FBRSL1: variants seen among roughly 807,000 people sequenced by gnomAD.
FBRSL1 encodes the protein fibrosin like 1, also known as fibrosin-1-like protein.
A neutral mutation model predicts 89.6 loss-of-function variants in FBRSL1; 51 were observed. The ratio of observed to expected loss-of-function variants is 0.57; its 90% CI spans 0.45 to 0.72. FBRSL1 has a LOEUF of 0.72. FBRSL1 is among the 30% of genes least tolerant of loss of function. FBRSL1 has a pLI of 0.00. For missense variants in FBRSL1, 1,618 were observed against 1,451.8 expected (o/e 1.11, Z -1.86); for synonymous variants, 779 against 681.1 (o/e 1.14, Z -2.24).
At chr12:132,567,699 G>A (rs1308627820) in intron 6 of FBRSL1, among the ~76,000 whole-genome samples, 173 bp downstream of exon 6, 1 of 152,146 alleles carries the variant, frequency 6.6e-6, no homozygotes, top group African/African-American at 2.4e-5. Flanking sequence ...CAGGAGCAGG[G>A]GAGAGTAGAC....
At chr12:132,547,854 C>T in intron 4 of FBRSL1, 149 bp from the exon 5 acceptor site, 1 of 783,156 alleles carries the variant, frequency 1.3e-6, no homozygotes, top group Non-Finnish European at 2.1e-6. Flanking sequence ...CCTAACCGCC[C>T]CGACCACCTG....
intron 4 of FBRSL1, among the ~76,000 whole-genome samples, chr12:132,545,814 T>C (rs925927512): frequency 5.9e-5 from 9 of 152,206 alleles, no homozygotes; most frequent in Non-Finnish European, 8.8e-5. Context: ...ACCCTGACAG[T>C]CTGGTGGGAT....
chr12:132,523,576 T>C (rs1005111699), intron 2 of FBRSL1, among the ~76,000 whole-genome samples: 3 of 152,130 alleles, frequency 2.0e-5, no homozygotes, highest in Non-Finnish European at 4.4e-5. Context: ...CCGACCCACC[T>C]CCCTTCCCAT....
At chr12:132,510,727 C>A (rs2034236962) in intron 2 of FBRSL1, 2 of 1,209,654 alleles carry the variant, frequency 1.7e-6, no homozygotes, top group South Asian at 8.6e-5. Context: ...GCTCCCTCTC[C>A]CCCCACTGGC....
intron 4 of FBRSL1, among the ~76,000 whole-genome samples, chr12:132,537,450 G>A (rs754677822): frequency 5.3e-5 from 8 of 152,194 alleles, no homozygotes; most frequent in Non-Finnish European, 1.0e-4. Context: ...TCCCTGGCCC[G>A]TGTCCCAGGG....
rs577268203 is a variant in FBRSL1 at position 132,548,667 on chromosome 12, G to A, written c.645+635G>A. Among the ~76,000 whole-genome samples, 107 of 152,314 alleles carry A rather than the reference G, an allele frequency of 7.0e-4. No homozygotes were observed. In the Middle Eastern group the frequency reaches 0.014, roughly 19 times the overall value. On this transcript the variant is annotated intron_variant, in intron 5 of 18. Transcript: ENST00000680143. ...GGAGGAACCGTCACCTGCTGTGGCC[G>A]AGGAGCATCAGGCCCCGGAGGGCGA... is the stretch of plus-strand genomic sequence containing the variant.
Position 132,582,124 on chromosome 12 carries a change from C to T in FBRSL1, c.2059C>T (p.His687Tyr), listed in dbSNP as rs1221578753. Residue 687 changes from histidine to tyrosine, a missense_variant, in exon 18 of 19, where the codon CAT becomes TAT. By Grantham distance (83) the His-to-Tyr change is moderately conservative. Transcript: ENST00000680143. ...GSSVHGLPSPHEAWNRLHRAP... is the reference protein window; with the variant it reads ...GSSVHGLPSPYEAWNRLHRAP... Reference sequence around the variant, plus strand: ...CTCCGTGCACGGCCTGCCCAGCCCCCATGAGGCCTGGAACCGACTGCACCG... The same window carrying T: ...CTCCGTGCACGGCCTGCCCAGCCCCTATGAGGCCTGGAACCGACTGCACCG... 3.2e-6 allele frequency: 5 copies of T among 1,549,866 alleles called. No individual in the cohort carries two copies. Among genetic ancestry groups the T allele is most frequent in the African/African-American group, 1.4e-5 (1 of 73,056 alleles).
chr12:132,575,161 C>T (rs531697132), intron 14 of FBRSL1, among the ~76,000 whole-genome samples: 1 of 152,198 alleles, frequency 6.6e-6, no homozygotes, highest in South Asian at 2.1e-4. Context: ...ACGTCACCTC[C>T]GCACACAACT....
chr12:132,525,739 G>T lies in FBRSL1; in HGVS notation c.495G>T (p.Lys165Asn), dbSNP rs1156933672. The change falls in exon 3 of 19, where the codon AAG becomes AAT. Residue 165 changes from lysine (K) to asparagine (N), a missense_variant. Physicochemically the swap from Lys to Asn is moderately conservative, Grantham distance 94. Coordinates refer to ENST00000680143, the MANE Select transcript of FBRSL1 (RefSeq NM_001367871.1). ...AGTGTCTCTCTCTGTCCCAGATGAAGGTCACCGTGTCCAAAGGGGGCGACC... is the reference window on the plus strand; with the variant it reads ...AGTGTCTCTCTCTGTCCCAGATGAATGTCACCGTGTCCAAAGGGGGCGACC... ...KVPLQPSKQMKVTVSKGGDRD... is the reference protein window; with the variant it reads ...KVPLQPSKQMNVTVSKGGDRD... The T allele has an allele frequency of 6.5e-7, 1 of 1,549,452 alleles. No homozygotes were observed. Among genetic ancestry groups the T allele is most frequent in the East Asian group, 2.4e-5 (1 of 40,866 alleles).
At chr12:132,503,308 C>T (rs1265587529) in intron 1 of FBRSL1, among the ~76,000 whole-genome samples, 1 of 152,230 alleles carries the variant, frequency 6.6e-6, no homozygotes, top group East Asian at 1.9e-4. Flanking sequence ...AGGACCACAT[C>T]CTGGAGGCCA....
Position 132,583,558 on chromosome 12 carries a change from T to C in FBRSL1, c.2789T>C (p.Phe930Ser). The C allele has an allele frequency of 9.7e-7, 1 of 1,031,390 alleles. No homozygotes were observed. The highest frequency in any genetic ancestry group is 1.2e-6 in the Non-Finnish European group (1 of 859,810). The allele number at this position is 1,031,390 out of a possible 1,614,324, so 63.9% of individuals were successfully genotyped here. A position where few individuals can be genotyped will look rare whatever the true frequency, so the allele number is the denominator to read the frequency against. ...CTGCCCTCGCTGGGAGCCCTGCACT[T>C]CCCGCGCCTCTCGCCCGCCGCGCTG... The part of the protein sequence containing the change: ...ALLPSLGALH[F>S]PRLSPAALHN... The change falls in exon 19 of 19, where the codon TTC becomes TCC. Residue 930 changes from phenylalanine (F) to serine (S), a missense_variant. By Grantham distance (155) the Phe-to-Ser change is radical. Coordinates refer to ENST00000680143, the MANE Select transcript of FBRSL1 (RefSeq NM_001367871.1).
intron 4 of FBRSL1, among the ~76,000 whole-genome samples, chr12:132,530,722 G>A (rs1257700200): frequency 7.1e-6 from 1 of 140,874 alleles, no homozygotes; most frequent in Non-Finnish European, 1.6e-5. Context: ...GTGGGGGGTG[G>A]GGCTGGGGGG....
intron 4 of FBRSL1, among the ~76,000 whole-genome samples, chr12:132,547,681 C>T (rs1011173542): frequency 2.6e-5 from 4 of 152,210 alleles, no homozygotes; most frequent in African/African-American, 9.6e-5. Context: ...TCATGGCCGC[C>T]CTGCTCTGAG....
intron 14 of FBRSL1, among the ~76,000 whole-genome samples, chr12:132,575,666 G>A (rs190891041): frequency 5.9e-5 from 9 of 152,360 alleles, no homozygotes; most frequent in African/African-American, 1.4e-4. Flanking sequence ...CTTGGAACTC[G>A]GGGCATGGTT....
intron 2 of FBRSL1, chr12:132,511,115 A>T (rs1279481553): frequency 7.1e-6 from 7 of 985,324 alleles, no homozygotes; most frequent in Non-Finnish European, 8.4e-6. Context: ...GTCCACCTCC[A>T]GGGCCCCCAA....
rs2032521929 is a variant in FBRSL1 at position 132,499,003 on chromosome 12, T to G, written c.291+8142T>G. Among the ~76,000 whole-genome samples the G allele has an allele frequency of 5.3e-5, 8 of 152,200 alleles. No individual in the cohort carries two copies. The highest frequency in any genetic ancestry group is 5.2e-4 in the Admixed American group (8 of 15,288). On this transcript the variant is annotated intron_variant, in intron 1 of 18. Transcript: ENST00000680143. The surrounding 1 kb of genome is among the most constrained non-coding windows in gnomAD (Gnocchi z 4.3). ...TCTCACCACGGCAGGCTGGGCCCCT[T>G]CTGCCTGTGTATGTGACCAAGGGTA... is the stretch of plus-strand genomic sequence containing the variant.
chr12:132,576,106 A>T (rs1386608215), intron 14 of FBRSL1, among the ~76,000 whole-genome samples: 3 of 152,150 alleles, frequency 2.0e-5, no homozygotes, highest in Non-Finnish European at 4.4e-5. Context: ...TAACACATTT[A>T]ACTTTGAAAA....
intron 14 of FBRSL1, among the ~76,000 whole-genome samples, chr12:132,575,372 C>T (rs1400209150): frequency 6.6e-5 from 10 of 152,214 alleles, no homozygotes; most frequent in Non-Finnish European, 1.5e-4. Context: ...GGACTACAGG[C>T]GACCGTCACC....
At chr12:132,513,334 C>T (rs2034540018) in intron 2 of FBRSL1, among the ~76,000 whole-genome samples, 1 of 152,114 alleles carries the variant, frequency 6.6e-6, no homozygotes, top group Non-Finnish European at 1.5e-5. Flanking sequence ...TGGGGCTGCG[C>T]CTGCCCAGGA....
Sources: gnomAD v4.1 joint callset for allele counts (sites outside exome capture counted in the v4.1 genomes callset) on GRCh38, gnomAD v4.1.1 for gene constraint, Gnocchi (gnomAD v3.1) non-coding constraint, MANE v1.5 for transcripts, NCBI Gene and HGNC (gene_info 2026-07-23, HGNC 2026-07-21) for gene names.